Variants in NPHP4 observed in about 807,000 individuals in gnomAD.
The protein encoded by NPHP4 is nephrocystin-4.
Under a neutral mutation model 155.8 loss-of-function variants are expected in NPHP4, and 151 were observed. The ratio of observed to expected loss-of-function variants is 0.97; its 90% confidence interval spans 0.85 to 1.11. NPHP4 has a LOEUF of 1.11. Among genes scored for constraint, NPHP4 ranks in the 50% least tolerant of loss-of-function variants. The probability of loss-of-function intolerance (pLI) is 0.00; values close to 1 mark genes in which losing one functional copy is unlikely to be tolerated. For missense variants in NPHP4, 1,956 were observed against 1,925.7 expected, an observed-to-expected ratio of 1.02 and a Z score of -0.29; for synonymous variants, 845 against 816.8, an observed-to-expected ratio of 1.03 and a Z score of -0.59.
chr1:5,923,130 G>T (rs11120786), intron 11 of NPHP4, among the ~76,000 whole-genome samples: 4 of 152,128 alleles, frequency 2.6e-5, no homozygotes, highest in Non-Finnish European at 5.9e-5. Context: ...CATGGTGAGT[G>T]AATCACAAGT....
chr1:5,950,158 A>G (rs1022827144), intron 7 of NPHP4, among the ~76,000 whole-genome samples: 3 of 152,222 alleles, frequency 2.0e-5, no homozygotes, highest in Non-Finnish European at 4.4e-5. Context: ...TGTTTTTAAA[A>G]GACCTCTTTG....
At chr1:5,888,443 GGAGT>G in intron 17 of NPHP4, 1 of 1,127,892 alleles carries the variant, frequency 8.9e-7, no homozygotes, top group Non-Finnish European at 1.1e-6. Context: ...CCTGTCTCTG[GGAGT>G]GAGACGCCAG....
intron 10 of NPHP4, among the ~76,000 whole-genome samples, chr1:5,931,194 T>C (rs1646253013): frequency 6.6e-6 from 1 of 152,184 alleles, no homozygotes; most frequent in Non-Finnish European, 1.5e-5. Flanking sequence ...TTGGGCTTTG[T>C]CTTTCATTAA....
At chr1:5,896,872 C>T (rs1437292761) in intron 16 of NPHP4, among the ~76,000 whole-genome samples, 1 of 152,098 alleles carries the variant, frequency 6.6e-6, no homozygotes, top group Non-Finnish European at 1.5e-5. Context: ...CAATCAGAGC[C>T]GGTGAAAGGC....
Position 5,905,601 on chromosome 1 carries a change from T to TG in NPHP4, c.1763+30dup. On this transcript the variant is annotated intron_variant, in intron 14 of 29. Transcript: ENST00000378156. This position sits in a 1 kb window ranked among gnomAD's most constrained non-coding sequence, Gnocchi z 4.0. ...ACAGTCTGACGGCACAGCACGTGAC[T>TG]GGTTCCATCCCACCCAGACCCACAC... The TG allele has an allele frequency of 6.2e-7, 1 of 1,612,878 alleles. No individual in the cohort carries two copies. The highest frequency in any genetic ancestry group is 8.5e-7 in the Non-Finnish European group (1 of 1,179,376).
At chr1:5,979,080 C>A (rs955484903) in intron 2 of NPHP4, among the ~76,000 whole-genome samples, 1 of 150,584 alleles carries the variant, frequency 6.6e-6, no homozygotes, top group African/African-American at 2.5e-5. Flanking sequence ...ACAGGCAGGA[C>A]CCTGCCCCGG....
At chr1:5,888,860 C>T (rs895306251) in intron 17 of NPHP4, among the ~76,000 whole-genome samples, 2 of 152,198 alleles carry the variant, frequency 1.3e-5, no homozygotes, top group Non-Finnish European at 2.9e-5. Context: ...GCGGCCCTCA[C>T]GGTGGCACCA....
intron 10 of NPHP4, among the ~76,000 whole-genome samples, chr1:5,929,555 T>C (rs1258063743): frequency 6.6e-6 from 1 of 152,214 alleles, no homozygotes; most frequent in African/African-American, 2.4e-5. Context: ...ATTGCCAGGA[T>C]CATATGGTTT....
At position 5,947,126 on chromosome 1, in the gene NPHP4, C is replaced by CTGCT. The variant is rs1308189311; in HGVS notation, c.1093_1096dup (p.Ser366LysfsTer37). On this transcript the variant is annotated frameshift_variant, in exon 9 of 30. Transcript: ENST00000378156. LOFTEE classifies it high-confidence loss of function. ...TACATTGCCGTCCACTCCTGCAGGG[C>CTGCT]TGCTGAACACGTACTCCAGCTGGAA... 3 of 1,613,882 alleles carry CTGCT rather than the reference C, an allele frequency of 1.9e-6. No homozygotes were observed. Among genetic ancestry groups the CTGCT allele is most frequent in the Non-Finnish European group, 2.5e-6 (3 of 1,179,876 alleles).
rs1366735635 is a variant in NPHP4 at position 5,992,385 on chromosome 1, C to G, written c.-180G>C. On this transcript the variant is annotated 5_prime_UTR_variant, in exon 1 of 30. Transcript: ENST00000378156. ...TGAGGACCGAGGACTGGCCGAGGGG[C>G]GCGCCCCGTCCGCTGCCACCCGCGG... is the stretch of plus-strand genomic sequence containing the variant. The G allele has an allele frequency of 6.6e-6, 1 of 152,264 alleles. No individual in the cohort carries two copies. The highest frequency in any genetic ancestry group is 1.5e-5 in the Non-Finnish European group (1 of 68,124). 9.4% of individuals were successfully genotyped at this position (152,264 alleles called of 1,614,324 possible).
At chr1:5,940,443 A>C (rs905254559) in intron 9 of NPHP4, among the ~76,000 whole-genome samples, 3 of 152,204 alleles carry the variant, frequency 2.0e-5, no homozygotes, top group Non-Finnish European at 4.4e-5. Flanking sequence ...ACAGCAGCAG[A>C]AAACAGACTC....
At chr1:5,871,135 C>T (rs1451008258) in intron 23 of NPHP4, among the ~76,000 whole-genome samples, 2 of 152,124 alleles carry the variant, frequency 1.3e-5, no homozygotes, top group African/African-American at 2.4e-5. Context: ...CAGAGAGTGG[C>T]GAGGCAAACA....
rs529810553 is a variant in NPHP4, at chr1:5,944,414, G to A, written c.1119+2690C>T. On this transcript the variant is annotated intron_variant, in intron 9 of 29. Coordinates refer to ENST00000378156, the MANE Select transcript of NPHP4 (RefSeq NM_015102.5). This position sits in a 1 kb window ranked among gnomAD's most constrained non-coding sequence, Gnocchi z 4.3. ...GCCCGCCCTGGGCCTTCCAAGGAGC[G>A]CGCTGGGCTCCTCTACCACAGCCAC... 1.3e-3 allele frequency among the ~76,000 whole-genome samples: 195 copies of A among 152,352 alleles called. No individual in the cohort carries two copies. Among genetic ancestry groups the A allele is most frequent in the African/African-American group, 4.5e-3 (186 of 41,586 alleles).
rs574721138 is a variant in NPHP4, at chr1:5,904,425, G to T, written c.2143+192C>A. On this transcript the variant is annotated intron_variant, in intron 16 of 29. Coordinates refer to ENST00000378156, the MANE Select transcript of NPHP4 (RefSeq NM_015102.5). ...ATTTGCTTCAAAATAACCCTGGCTT[G>T]GGGGAGGACGCTGGGTTGGGAGGCA... 3.3e-5 allele frequency among the ~76,000 whole-genome samples: 5 copies of T among 152,324 alleles called. No homozygotes were observed. The South Asian group carries it at 1.0e-3, about 32-fold the overall frequency.
At chr1:5,875,197 G>T in intron 20 of NPHP4, 97 bp from the exon 21 acceptor site, 1 of 946,622 alleles carries the variant, frequency 1.1e-6, no homozygotes, top group Non-Finnish European at 1.6e-6. Context: ...CTCAGAAGAG[G>T]ACATTTCTCC....
intron 9 of NPHP4, among the ~76,000 whole-genome samples, chr1:5,936,952 G>A (rs1646571636): frequency 6.6e-6 from 1 of 152,238 alleles, no homozygotes; most frequent in African/African-American, 2.4e-5. Context: ...TGTAGGAGCA[G>A]GGGAGAGAGA....
chr1:5,979,873 T>C lies in NPHP4; in HGVS notation c.136-1460A>G, dbSNP rs1654363152. Among the ~76,000 whole-genome samples the C allele has an allele frequency of 1.3e-5, 2 of 152,104 alleles. 1 individual carries two copies. Among genetic ancestry groups the C allele is most frequent in the South Asian group, 4.1e-4 (2 of 4,828 alleles). On this transcript the variant is annotated intron_variant, in intron 2 of 29. Coordinates refer to ENST00000378156, the MANE Select transcript of NPHP4 (RefSeq NM_015102.5). ...GGCATCTGGGGCCTCAGTGACGAGATAAGACTGTCCCCCAGAGCCGGTTAA... is the reference window on the plus strand; with the variant it reads ...GGCATCTGGGGCCTCAGTGACGAGACAAGACTGTCCCCCAGAGCCGGTTAA...
Position 5,986,136 on chromosome 1 carries a change from T to C in NPHP4, c.135+19A>G, listed in dbSNP as rs1366391463. On this transcript the variant is annotated intron_variant, in intron 2 of 29. Coordinates refer to ENST00000378156, the MANE Select transcript of NPHP4 (RefSeq NM_015102.5). ...GCTAAGAGCAATAACACGCATTTGC[T>C]AACAGCACATTTTGTTACCTGCCTA... is the stretch of plus-strand genomic sequence containing the variant. 1.2e-5 allele frequency: 19 copies of C among 1,613,612 alleles called. No homozygotes were observed. Among genetic ancestry groups the C allele is most frequent in the Non-Finnish European group, 1.6e-5 (19 of 1,179,682 alleles).
At chr1:5,913,225 G>A (rs1316502675) in intron 11 of NPHP4, among the ~76,000 whole-genome samples, 2 of 151,504 alleles carry the variant, frequency 1.3e-5, no homozygotes, top group East Asian at 3.9e-4. Flanking sequence ...GGCCAGCGGG[G>A]CCCTGAGATG....
Sources: gnomAD v4.1 joint callset for allele counts (sites outside exome capture counted in the v4.1 genomes callset) on GRCh38, gnomAD v4.1.1 for gene constraint, Gnocchi (gnomAD v3.1) non-coding constraint, MANE v1.5 for transcripts, NCBI Gene and HGNC (gene_info 2026-07-23, HGNC 2026-07-21) for gene names.